Variants in FTO observed in about 807,000 individuals in gnomAD.
FTO encodes the protein alpha-ketoglutarate-dependent dioxygenase FTO.
A neutral mutation model predicts 63.9 loss-of-function variants in FTO; 47 were observed. The ratio of observed to expected loss-of-function variants is 0.74; its 90% confidence interval spans 0.58 to 0.94. FTO has a LOEUF of 0.94. FTO is among the 40% of genes least tolerant of loss of function. The probability of loss-of-function intolerance (pLI) is 0.00; values close to 1 mark genes in which losing one functional copy is unlikely to be tolerated. For synonymous variants in FTO, 207 were observed against 224.4 expected (o/e 0.92, Z 0.69); for missense variants, 562 against 618.1 (o/e 0.91, Z 0.96).
intron 7 of FTO, among the ~76,000 whole-genome samples, chr16:53,896,672 T>C (rs997791559): frequency 2.0e-5 from 3 of 152,160 alleles, no homozygotes; most frequent in African/African-American, 7.2e-5. Context: ...ATCACCAGTA[T>C]TGATTTTAAA....
At chr16:54,086,472 C>T (rs11076017) in intron 8 of FTO, among the ~76,000 whole-genome samples, 66,662 of 152,088 alleles carry the variant, frequency 0.44, 16,413 homozygotes, top group Middle Eastern at 0.56. Flanking sequence ...ATGATTTCAC[C>T]GAGCAGTTGT....
chr16:53,889,037 G>A (rs2081081106), intron 7 of FTO, 86 bp downstream of exon 7: 1 of 1,419,294 alleles, frequency 7.0e-7, no homozygotes, highest in Admixed American at 1.7e-5. Context: ...GGCAAATGTA[G>A]ATTTAATTAT....
At position 53,734,959 on chromosome 16, in the gene FTO, T is replaced by G. The variant is rs551226478; in HGVS notation, c.45+30730T>G. Among the ~76,000 whole-genome samples, 3 of 152,314 alleles carry G rather than the reference T, an allele frequency of 2.0e-5. No homozygotes were observed. The South Asian group carries it at 6.2e-4, about 32-fold the overall frequency. On this transcript the variant is annotated intron_variant, in intron 1 of 8. Coordinates refer to ENST00000471389, the MANE Select transcript of FTO (RefSeq NM_001080432.3). ...GGTCATTCCTAGTTGCAAGGGAGAC[T>G]GGGAAAAGAAGTGTCTGGCAAAAGG...
At chr16:54,070,473 T>C (rs573177287) in intron 8 of FTO, 2 of 152,250 alleles carry the variant, frequency 1.3e-5, no homozygotes, top group South Asian at 4.1e-4. Context: ...TAGAAGGTGC[T>C]CCTCCCCACA....
intron 8 of FTO, among the ~76,000 whole-genome samples, chr16:54,004,209 T>C (rs2084138389): frequency 6.6e-6 from 1 of 152,094 alleles, no homozygotes; most frequent in Non-Finnish European, 1.5e-5. Context: ...ATGGTACGTC[T>C]TTAGGGAAAA....
At chr16:53,723,179 T>G (rs2076080598) in intron 1 of FTO, among the ~76,000 whole-genome samples, 1 of 152,254 alleles carries the variant, frequency 6.6e-6, no homozygotes, top group Non-Finnish European at 1.5e-5. Context: ...TGCAGAAGGC[T>G]GTAACAGTGA....
chr16:53,991,810 A>G (rs1055999827), intron 8 of FTO: 1 of 152,208 alleles, frequency 6.6e-6, no homozygotes, highest in Non-Finnish European at 1.5e-5. Flanking sequence ...TCCAGATTCA[A>G]TAGGCACATC....
chr16:53,752,640 T>G (rs559917841), intron 1 of FTO, among the ~76,000 whole-genome samples: 108 of 152,318 alleles, frequency 7.1e-4, no homozygotes, highest in Non-Finnish European at 1.3e-3. Flanking sequence ...ATGGAATAAT[T>G]TGTCTTAAGA....
At chr16:53,991,454 C>A (rs1282682566) in intron 8 of FTO, 3 of 152,104 alleles carry the variant, frequency 2.0e-5, no homozygotes, top group African/African-American at 7.2e-5. Flanking sequence ...ACCAGGAAAA[C>A]AAGGTTGATT....
Position 53,890,961 on chromosome 16 carries a change from T to G in FTO, c.1239+2010T>G, listed in dbSNP as rs565344447. On this transcript the variant is annotated intron_variant, in intron 7 of 8. Coordinates refer to ENST00000471389, the MANE Select transcript of FTO (RefSeq NM_001080432.3). ...AATTTGACAACTCTGTGAATTAGAG[T>G]TGAAGAGCAAATAAGAAAGGAGCTC... Among the ~76,000 whole-genome samples the G allele has an allele frequency of 4.6e-5, 7 of 152,248 alleles. No individual in the cohort carries two copies. The East Asian group carries it at 1.4e-3, about 29-fold the overall frequency.
intron 6 of FTO, among the ~76,000 whole-genome samples, chr16:53,882,898 T>C (rs531225945): frequency 6.6e-6 from 1 of 152,312 alleles, no homozygotes; most frequent in Admixed American, 6.5e-5. Flanking sequence ...AATTCTGCCT[T>C]TCAGGGGAGT....
At chr16:53,861,494 T>C (rs1407293894) in intron 4 of FTO, among the ~76,000 whole-genome samples, 1 of 152,236 alleles carries the variant, frequency 6.6e-6, no homozygotes, top group Non-Finnish European at 1.5e-5. Flanking sequence ...CGTATTTTGC[T>C]CATTTTTCTG....
intron 5 of FTO, 46 bp from the exon 6 acceptor site, chr16:53,879,798 A>G (rs754305331): frequency 3.7e-6 from 6 of 1,611,136 alleles, no homozygotes; most frequent in Admixed American, 3.3e-5. Context: ...GGTAGAGTAA[A>G]CTTAGATTTT....
chr16:53,845,912 G>T (rs1227663262), intron 4 of FTO, among the ~76,000 whole-genome samples: 1 of 152,080 alleles, frequency 6.6e-6, no homozygotes, highest in East Asian at 1.9e-4. Flanking sequence ...CTTCTCATGG[G>T]GAGATTCCTG....
At chr16:54,015,009 C>T (rs1170252130) in intron 8 of FTO, among the ~76,000 whole-genome samples, 3 of 144,234 alleles carry the variant, frequency 2.1e-5, no homozygotes, top group Non-Finnish European at 4.5e-5. Context: ...GTACACACCA[C>T]TGCACCTGGC....
intron 8 of FTO, among the ~76,000 whole-genome samples, chr16:54,105,771 C>G (rs938820348): frequency 2.9e-5 from 4 of 137,974 alleles, no homozygotes; most frequent in East Asian, 2.2e-4. Context: ...AAGTTCTAGT[C>G]TGTGTGTGTG....
chr16:54,024,520 G>A (rs997384074), intron 8 of FTO, among the ~76,000 whole-genome samples: 12 of 152,014 alleles, frequency 7.9e-5, no homozygotes, highest in Middle Eastern at 6.3e-3. Flanking sequence ...GAGTCACCGC[G>A]CCCGGCCTTG....
chr16:53,952,304 TTCTC>T (rs557005373), intron 8 of FTO, among the ~76,000 whole-genome samples: 112 of 152,300 alleles, frequency 7.4e-4, no homozygotes, highest in Middle Eastern at 3.4e-3. Context: ...AGAAATATTA[TTCTC>T]TCTCTGTTCT....
intron 6 of FTO, among the ~76,000 whole-genome samples, chr16:53,887,227 A>G (rs374444726): frequency 1.3e-5 from 2 of 152,286 alleles, no homozygotes; most frequent in East Asian, 1.9e-4. Flanking sequence ...AGCTACCCCT[A>G]CTATGTTGGC....
Sources: allele counts gnomAD v4.1 joint callset (sites outside exome capture counted in the v4.1 genomes callset), GRCh38; gene constraint gnomAD v4.1.1; transcripts MANE v1.5; gene names NCBI Gene and HGNC (gene_info 2026-07-23, HGNC 2026-07-21).